The following KLHL22 variants were observed in gnomAD, a reference collection of about 807,000 sequenced individuals.
KLHL22 encodes the protein kelch like family member 22, also known as kelch-like protein 22.
Under a neutral mutation model 60.7 loss-of-function variants are expected in KLHL22, and 18 were observed. The observed-to-expected ratio is 0.30, with a 90% CI of 0.20 to 0.44. The LOEUF (loss-of-function observed/expected upper bound fraction) is 0.44, where lower values mean the gene tolerates loss of function less well. KLHL22 is among the 20% of genes least tolerant of loss of function. The pLI is 1.00. For synonymous variants in KLHL22, 355 were observed against 354.5 expected, an observed-to-expected ratio of 1.00 and a Z score of -0.01; for missense variants, 596 against 852.3, an observed-to-expected ratio of 0.70 and a Z score of 3.74.
rs2053635229 is a variant in KLHL22, at chr22:20,488,967, C to T, written c.227+18G>A. On this transcript the variant is annotated intron_variant, in intron 2 of 6. Transcript: ENST00000328879. Reference sequence around the variant, plus strand: ...TTACCTTTGTTATTCTTCTTACAAACAGCTCTAGTGAACTCACCTGAAGTA... The same window carrying T: ...TTACCTTTGTTATTCTTCTTACAAATAGCTCTAGTGAACTCACCTGAAGTA... 6.2e-7 allele frequency: 1 copy of T among 1,609,708 alleles called. No individual in the cohort carries two copies. The highest frequency in any genetic ancestry group is 1.7e-5 in the Admixed American group (1 of 59,848).
At chr22:20,452,950 A>G (rs2053002625) in intron 5 of KLHL22, among the ~76,000 whole-genome samples, 1 of 152,156 alleles carries the variant, frequency 6.6e-6, no homozygotes, top group African/African-American at 2.4e-5. Context: ...CCTGTCCTTT[A>G]GTGTAGATTT....
chr22:20,453,699 T>C (rs1456509372), intron 5 of KLHL22, among the ~76,000 whole-genome samples: 2 of 152,208 alleles, frequency 1.3e-5, no homozygotes, highest in African/African-American at 4.8e-5. Flanking sequence ...TAAAATCAAA[T>C]CAAAATTAAA....
chr22:20,483,873 T>C (rs1354645096), intron 2 of KLHL22: 1 of 711,348 alleles, frequency 1.4e-6, no homozygotes, highest in South Asian at 1.4e-5. Flanking sequence ...CTTCTCATTC[T>C]GGATGCTTCC....
intron 5 of KLHL22, chr22:20,450,399 A>G: frequency 6.8e-7 from 1 of 1,477,772 alleles, no homozygotes; most frequent in East Asian, 2.3e-5. Flanking sequence ...GTGTACACGG[A>G]AACAGTACAT....
rs370281717 is a variant in KLHL22, at chr22:20,447,304, C to T, written c.1306-628G>A. ...CACTTCCGGAACCCACCCACTCACA[C>T]CCAGCAGGCCAACAGAAGGCCCCAA... On this transcript the variant is annotated intron_variant, in intron 5 of 6. Transcript: ENST00000328879. Among the ~76,000 whole-genome samples, 16 of 152,332 alleles carry T rather than the reference C, an allele frequency of 1.1e-4. No individual in the cohort carries two copies. The East Asian group carries it at 2.5e-3, about 24-fold the overall frequency.
chr22:20,473,297 AGGAGGACCTG>A (rs1450490105), intron 2 of KLHL22, among the ~76,000 whole-genome samples: 1 of 152,124 alleles, frequency 6.6e-6, no homozygotes, highest in Non-Finnish European at 1.5e-5. Context: ...GACTGAATCT[AGGAGGACCTG>A]GGAGGACTCA....
chr22:20,450,938 G>C, intron 5 of KLHL22: 1 of 1,611,828 alleles, frequency 6.2e-7, no homozygotes, highest in Non-Finnish European at 8.5e-7. Context: ...CCCAGGACAA[G>C]GGCTCGCCTA....
At chr22:20,455,413 C>T (rs1385290309) in intron 5 of KLHL22, among the ~76,000 whole-genome samples, 2 of 152,198 alleles carry the variant, frequency 1.3e-5, no homozygotes, top group South Asian at 2.1e-4. Flanking sequence ...CCCATGCTTC[C>T]TCTCCTGCTC....
intron 2 of KLHL22, chr22:20,475,222 G>A (rs986359940): frequency 7.5e-5 from 11 of 147,618 alleles, no homozygotes; most frequent in African/African-American, 2.8e-4. Context: ...GTCAACTGCA[G>A]TAGTGAGAAG....
intron 5 of KLHL22, chr22:20,451,223 G>A (rs2052972361): frequency 6.3e-7 from 1 of 1,599,888 alleles, no homozygotes; most frequent in Admixed American, 1.7e-5. Flanking sequence ...AATGTCTGAT[G>A]AGGTCTTGCT....
In KLHL22 at chr22:20,464,879, C is replaced by A. The variant is rs552098595; in HGVS notation, c.1091G>T (p.Arg364Leu). ...IGGDNNVQGF[R>L]AESRCWRYDP... ...CTACCTCCAGCATCGGGACTCTGCT[C>A]GAAATCCTTGGACATTGTTGTCCCC... Residue 364 changes from arginine to leucine, a missense_variant, in exon 4 of 7, where the codon CGA becomes CTA. Physicochemically the swap from Arg to Leu is moderately radical, Grantham distance 102 (BLOSUM62 -2). Coordinates refer to ENST00000328879, the MANE Select transcript of KLHL22 (RefSeq NM_032775.4). 1.9e-6 allele frequency: 3 copies of A among 1,540,596 alleles called. No individual in the cohort carries two copies. Among genetic ancestry groups the A allele is most frequent in the African/African-American group, 2.7e-5 (2 of 72,838 alleles).
chr22:20,451,146 T>C, intron 5 of KLHL22: 9 of 1,566,582 alleles, frequency 5.7e-6, no homozygotes, highest in Non-Finnish European at 6.2e-6. Flanking sequence ...GTTCCAGCCT[T>C]AGTTCAGTGG....
chr22:20,468,927 A>AT (rs1419065938), intron 3 of KLHL22, among the ~76,000 whole-genome samples: 1 of 152,126 alleles, frequency 6.6e-6, no homozygotes, highest in Admixed American at 6.6e-5. Flanking sequence ...AAGTGCTGGG[A>AT]TTACAGGCAT....
At chr22:20,484,282 C>T (rs374269920) in intron 2 of KLHL22, among the ~76,000 whole-genome samples, 87 of 151,918 alleles carry the variant, frequency 5.7e-4, no homozygotes, top group African/African-American at 1.3e-3. Context: ...CATGAGCCAC[C>T]GTGCCCAGCT....
intron 6 of KLHL22, among the ~76,000 whole-genome samples, chr22:20,442,741 C>T (rs565188042): frequency 6.6e-6 from 1 of 152,248 alleles, no homozygotes; most frequent in Non-Finnish European, 1.5e-5. Context: ...CTAAGCCAGT[C>T]TCTGCCCCCG....
chr22:20,469,698 G>T (rs888512419), intron 3 of KLHL22, among the ~76,000 whole-genome samples: 14 of 152,150 alleles, frequency 9.2e-5, no homozygotes, highest in African/African-American at 3.1e-4. Context: ...ACAGGGCACA[G>T]GGAGGCTGCC....
At position 20,468,399 on chromosome 22, in the gene KLHL22, A is replaced by G. The variant is rs184861470; in HGVS notation, c.394-2823T>C. The stretch of plus-strand genomic sequence containing the variant: ...CTCACAGAGGAACCAGCCTGGGCTC[A>G]GGATGTGCAAAAGCCCCATACGAGG... On this transcript the variant is annotated intron_variant, in intron 3 of 6. Coordinates refer to ENST00000328879, the MANE Select transcript of KLHL22 (RefSeq NM_032775.4). Among the ~76,000 whole-genome samples, 6 of 152,326 alleles carry G rather than the reference A, an allele frequency of 3.9e-5. No homozygotes were observed. In the East Asian group the frequency reaches 1.2e-3, roughly 29 times the overall value.
At chr22:20,458,693 A>G (rs2146201449) in intron 4 of KLHL22, among the ~76,000 whole-genome samples, 1 of 152,028 alleles carries the variant, frequency 6.6e-6, no homozygotes, top group African/African-American at 2.4e-5. Context: ...GCACTCCATC[A>G]GGAGTGGTCT....
intron 3 of KLHL22, among the ~76,000 whole-genome samples, chr22:20,466,390 AAAAAAAAG>A (rs975545031): frequency 5.3e-5 from 8 of 151,172 alleles, no homozygotes; most frequent in African/African-American, 1.9e-4. Context: ...AAAAAAAAAA[AAAAAAAAG>A]AAGTACTGGC....
Sources: gnomAD v4.1 joint callset for allele counts (sites outside exome capture counted in the v4.1 genomes callset) on GRCh38, gnomAD v4.1.1 for gene constraint, MANE v1.5 for transcripts, NCBI Gene and HGNC (gene_info 2026-07-23, HGNC 2026-07-21) for gene names.